The following DNAH11 variants were observed in gnomAD, a reference collection of about 807,000 sequenced individuals.
DNAH11 encodes the protein axonemal beta dynein heavy chain 11.
In DNAH11, 442 loss-of-function variants were observed where a neutral mutation model predicts 526.0. The ratio of observed to expected loss-of-function variants is 0.84; its 90% CI spans 0.78 to 0.91. The LOEUF is 0.91. DNAH11 is among the 40% of genes least tolerant of loss of function. The pLI, the probability that DNAH11 is intolerant of heterozygous loss-of-function variation, is 0.00. For missense variants in DNAH11, 6,989 were observed against 5,448.7 expected (o/e 1.28, Z -8.90); for synonymous variants, 2,461 against 1,935.9 (o/e 1.27, Z -7.12).
chr7:21,734,841 G>A (rs1785534104), intron 45 of DNAH11, among the ~76,000 whole-genome samples: 1 of 151,402 alleles, frequency 6.6e-6, no homozygotes, highest in Non-Finnish European at 1.5e-5. Context: ...CTGGGTATAG[G>A]AGTGAGACCC....
intron 76 of DNAH11, among the ~76,000 whole-genome samples, chr7:21,888,704 G>A (rs1242051015): frequency 6.6e-6 from 1 of 151,924 alleles, no homozygotes; most frequent in Non-Finnish European, 1.5e-5. Flanking sequence ...TAGTCAGGCT[G>A]GTCTTGAACT....
chr7:21,687,621 G>A (rs1783437545), intron 34 of DNAH11, 94 bp downstream of exon 34: 1 of 1,401,842 alleles, frequency 7.1e-7, no homozygotes, highest in Non-Finnish European at 9.6e-7. Context: ...ACCTCTCCCT[G>A]TCTCATGAAA....
intron 35 of DNAH11, among the ~76,000 whole-genome samples, chr7:21,696,602 G>T (rs528669601): frequency 6.6e-6 from 1 of 152,214 alleles, no homozygotes; most frequent in South Asian, 2.1e-4. Context: ...TTTCATTTGG[G>T]TCTTGAAATT....
intron 56 of DNAH11, among the ~76,000 whole-genome samples, chr7:21,774,683 G>T (rs973311530): frequency 2.6e-5 from 4 of 152,186 alleles, no homozygotes; most frequent in African/African-American, 4.8e-5. Context: ...AGCCAGTGAG[G>T]TTGGGTTTTA....
intron 49 of DNAH11, 122 bp from the exon 50 acceptor site, chr7:21,744,316 C>T: frequency 9.2e-7 from 1 of 1,086,476 alleles, no homozygotes. Context: ...ACGCACATTA[C>T]TATTGATGAT....
At chr7:21,819,233 C>G (rs1404454735) in intron 65 of DNAH11, among the ~76,000 whole-genome samples, 1 of 152,100 alleles carries the variant, frequency 6.6e-6, no homozygotes, top group Admixed American at 6.6e-5. Flanking sequence ...CGCCCACGCT[C>G]TGCCTCTAAG....
Position 21,778,993 on chromosome 7 carries a change from A to G in DNAH11, c.9372A>G (p.Glu3124=), listed in dbSNP as rs774944333. 1 of 1,613,410 alleles carries G rather than the reference A, an allele frequency of 6.2e-7. No homozygotes were observed. The highest frequency in any genetic ancestry group is 1.1e-5 in the South Asian group (1 of 91,036). Residue 3124 remains glutamate, a synonymous_variant, in exon 57 of 82, where the codon GAA becomes GAG. Coordinates refer to ENST00000409508, the MANE Select transcript of DNAH11 (RefSeq NM_001277115.2). ...TAAAAGCCAGACTTGCCTCTCAAGA[A>G]GCCGAGCTGCAACTGAGAAATCATG... The part of the protein sequence containing the change: ...GDLKARLASQ[E]AELQLRNHDA...
intron 28 of DNAH11, among the ~76,000 whole-genome samples, chr7:21,640,376 TA>T (rs1562721443): frequency 6.6e-6 from 1 of 152,172 alleles, no homozygotes; most frequent in Non-Finnish European, 1.5e-5. Context: ...TGTATGAGGG[TA>T]GCAGGTATTG....
chr7:21,745,289 C>T (rs954607348), intron 51 of DNAH11, among the ~76,000 whole-genome samples: 17 of 152,082 alleles, frequency 1.1e-4, no homozygotes, highest in African/African-American at 4.1e-4. Context: ...CATTATTTTA[C>T]TTGAATATTA....
intron 4 of DNAH11, 94 bp from the exon 5 acceptor site, chr7:21,560,977 G>A: frequency 1.1e-6 from 1 of 875,068 alleles, no homozygotes; most frequent in Non-Finnish European, 1.8e-6. Context: ...TCACTTGTGA[G>A]TGAAATGGAA....
At chr7:21,661,671 A>T (rs1256062715) in intron 30 of DNAH11, among the ~76,000 whole-genome samples, 1 of 152,104 alleles carries the variant, frequency 6.6e-6, no homozygotes, top group Non-Finnish European at 1.5e-5. Context: ...AGTAGACTCA[A>T]ATCTCAGCTT....
chr7:21,610,723 C>G (rs1196409082), intron 20 of DNAH11, among the ~76,000 whole-genome samples: 1 of 150,868 alleles, frequency 6.6e-6, no homozygotes, highest in Non-Finnish European at 1.5e-5. Context: ...AAAAAAAATA[C>G]AACTCAGCAG....
rs368059592 is a variant in DNAH11, at chr7:21,589,231, C to A, written c.1997C>A (p.Ala666Asp). ...RYLFLGNPDH[A>D]LVYQKYVEMT... is the part of the protein sequence containing the mutation. Reference sequence around the variant, plus strand: ...AGATTTTTGGGCAATCCTGATCACGCTTTAGTTTATCAAAAGTATGTTGAA... The same window carrying A: ...AGATTTTTGGGCAATCCTGATCACGATTTAGTTTATCAAAAGTATGTTGAA... The change falls in exon 12 of 82, where the codon GCT becomes GAT. Residue 666 changes from alanine (A) to aspartate (D), a missense_variant. Transcript: ENST00000409508. 11 of 1,608,308 alleles carry A rather than the reference C, an allele frequency of 6.8e-6. No individual in the cohort carries two copies. Among genetic ancestry groups the A allele is most frequent in the Non-Finnish European group, 9.3e-6 (11 of 1,178,386 alleles).
At chr7:21,734,850 C>T (rs1472120186) in intron 45 of DNAH11, among the ~76,000 whole-genome samples, 1 of 128,918 alleles carries the variant, frequency 7.8e-6, no homozygotes, top group Non-Finnish European at 1.7e-5. Flanking sequence ...GGAGTGAGAC[C>T]CTGTCTCAAA....
At chr7:21,598,941 G>A (rs749327760) in intron 14 of DNAH11, among the ~76,000 whole-genome samples, 44 of 152,164 alleles carry the variant, frequency 2.9e-4, no homozygotes, top group Non-Finnish European at 6.2e-4. Context: ...TGGCTGCATA[G>A]TATTCCATGT....
chr7:21,726,841 A>T, intron 45 of DNAH11, among the ~76,000 whole-genome samples: 1 of 77,202 alleles, frequency 1.3e-5, no homozygotes, highest in Non-Finnish European at 2.2e-5. Flanking sequence ...AGCCTGGGCG[A>T]CAGAGCAAGA....
intron 29 of DNAH11, 103 bp from the exon 30 acceptor site, chr7:21,658,695 C>A: frequency 1.1e-6 from 1 of 881,712 alleles, no homozygotes; most frequent in Non-Finnish European, 1.6e-6. Flanking sequence ...AAAATGAATC[C>A]ACCTGGGGCA....
At chr7:21,764,541 G>C (rs1037456674) in intron 54 of DNAH11, among the ~76,000 whole-genome samples, 1 of 152,076 alleles carries the variant, frequency 6.6e-6, no homozygotes, top group East Asian at 1.9e-4. Context: ...CGTACGCAGG[G>C]ACTTGAGAAT....
rs1400685210 is a variant in DNAH11, at chr7:21,884,404, A to G, written c.12501A>G (p.Pro4167=). The G allele has an allele frequency of 6.2e-7, 1 of 1,603,266 alleles. No individual in the cohort carries two copies. Among genetic ancestry groups the G allele is most frequent in the Non-Finnish European group, 8.5e-7 (1 of 1,175,740 alleles). ...TGTATTTAGAAGAATTCATGAATCCATCTCTGGTAAGACATTTGTAAATTA... is the reference window on the plus strand; with the variant it reads ...TGTATTTAGAAGAATTCATGAATCCGTCTCTGGTAAGACATTTGTAAATTA... ...CRVYLEEFMN[P]SLTEDELMLA... Residue 4167 remains proline, a synonymous_variant, in exon 76 of 82, where the codon CCA becomes CCG. Coordinates refer to ENST00000409508, the MANE Select transcript of DNAH11 (RefSeq NM_001277115.2).
Sources: allele counts gnomAD v4.1 joint callset (sites outside exome capture counted in the v4.1 genomes callset), GRCh38; gene constraint gnomAD v4.1.1; transcripts MANE v1.5; gene names NCBI Gene and HGNC (gene_info 2026-07-23, HGNC 2026-07-21).